The following MYO5A variants were observed in gnomAD, a reference collection of about 807,000 sequenced individuals.
The protein encoded by MYO5A is myosin VA.
MYO5A carries 98 observed loss-of-function variants against 249.7 expected under a neutral mutation model. The observed-to-expected ratio is 0.39, with a 90% CI of 0.33 to 0.46. The LOEUF is 0.46. Among genes scored for constraint, MYO5A ranks in the 20% least tolerant of loss-of-function variants. MYO5A has a pLI of 0.98. For missense variants in MYO5A, 1,696 were observed against 2,308.8 expected, an observed-to-expected ratio of 0.73 and a Z score of 5.44; for synonymous variants, 778 against 810.6, an observed-to-expected ratio of 0.96 and a Z score of 0.68.
intron 12 of MYO5A, among the ~76,000 whole-genome samples, chr15:52,390,708 C>T (rs1264534113): frequency 6.6e-6 from 1 of 151,964 alleles, no homozygotes; most frequent in Non-Finnish European, 1.5e-5. Flanking sequence ...TACAGGTGCA[C>T]ACCACCATGC....
intron 1 of MYO5A, among the ~76,000 whole-genome samples, chr15:52,520,904 G>A (rs1219837061): frequency 6.6e-6 from 1 of 152,132 alleles, no homozygotes; most frequent in Non-Finnish European, 1.5e-5. Flanking sequence ...GAGATTTGAT[G>A]TTACAAACTT....
intron 4 of MYO5A, among the ~76,000 whole-genome samples, chr15:52,420,954 T>C (rs2043757895): frequency 1.3e-5 from 2 of 152,166 alleles, no homozygotes; most frequent in South Asian, 4.1e-4. Context: ...ACAAGCTACT[T>C]TCCTCACCTG....
At chr15:52,478,184 G>A (rs1160181252) in intron 1 of MYO5A, among the ~76,000 whole-genome samples, 2 of 152,190 alleles carry the variant, frequency 1.3e-5, no homozygotes, top group African/African-American at 2.4e-5. Flanking sequence ...AGTGAGCAAG[G>A]CTCTATGGGT....
At chr15:52,352,245 A>C (rs2039989891) in intron 27 of MYO5A, among the ~76,000 whole-genome samples, 2 of 152,212 alleles carry the variant, frequency 1.3e-5, no homozygotes, top group Admixed American at 1.3e-4. Context: ...CTGTTCAAAC[A>C]ATGGCAACAG....
At position 52,343,129 on chromosome 15, in the gene MYO5A, T is replaced by C. The variant is rs747707431; in HGVS notation, c.4028A>G (p.Lys1343Arg). The change falls in exon 31 of 42, where the codon AAA (lysine) becomes AGA (arginine). Residue 1343 changes from lysine to arginine, a missense_variant. Physicochemically the swap from Lys to Arg is conservative, Grantham distance 26 (BLOSUM62 2). Around this residue, in one of 5 missense-constraint regions of MYO5A, gnomAD observed 625 missense variants for 908.1 expected, o/e 0.69. Transcript: ENST00000399233. ...GELWLVYEGLKQANRLLESQL... is the reference protein window; with the variant it reads ...GELWLVYEGLRQANRLLESQL... ...AGACAAATATAACCTGTTGGCTTGT[T>C]TTAACCCTTCATAAACCAGCCACAG... 9 of 1,612,674 alleles carry C rather than the reference T, an allele frequency of 5.6e-6. No individual in the cohort carries two copies. The highest frequency in any genetic ancestry group is 1.6e-4 in the Middle Eastern group (1 of 6,084).
intron 1 of MYO5A, among the ~76,000 whole-genome samples, chr15:52,503,625 T>C (rs2077201934): frequency 6.6e-6 from 1 of 151,994 alleles, no homozygotes; most frequent in Admixed American, 6.6e-5. Flanking sequence ...AGCAAGACCA[T>C]GTCTAGGAAA....
At chr15:52,394,339 C>T (rs1380091884) in intron 11 of MYO5A, among the ~76,000 whole-genome samples, 1 of 152,096 alleles carries the variant, frequency 6.6e-6, no homozygotes, top group African/African-American at 2.4e-5. Context: ...AACTGGGAAA[C>T]AAGAAAATAA....
chr15:52,442,874 G>C (rs750852214), intron 1 of MYO5A, among the ~76,000 whole-genome samples: 5 of 151,248 alleles, frequency 3.3e-5, no homozygotes, highest in African/African-American at 4.9e-5. Context: ...TCTTCCCTCA[G>C]CCTCCCAAGT....
At chr15:52,430,951 G>T (rs889333509) in intron 2 of MYO5A, among the ~76,000 whole-genome samples, 1 of 151,892 alleles carries the variant, frequency 6.6e-6, no homozygotes, top group African/African-American at 2.4e-5. Flanking sequence ...AAAAGTCAAG[G>T]CTGGGTGCAG....
intron 36 of MYO5A, among the ~76,000 whole-genome samples, chr15:52,327,098 T>TG (rs895188555): frequency 1.3e-5 from 2 of 152,144 alleles, no homozygotes; most frequent in African/African-American, 4.8e-5. Context: ...TGGGGTGAGG[T>TG]GGAGAAAAAG....
intron 1 of MYO5A, among the ~76,000 whole-genome samples, chr15:52,471,592 AACACACACACACAC>A (rs111751236): frequency 3.0e-4 from 43 of 144,970 alleles, no homozygotes; most frequent in African/African-American, 1.1e-3. Context: ...CTGTCTCTAA[AACACACACACACAC>A]ACACACACAC....
intron 1 of MYO5A, among the ~76,000 whole-genome samples, chr15:52,498,554 AT>A (rs2141571162): frequency 6.6e-6 from 1 of 152,250 alleles, no homozygotes; most frequent in African/African-American, 2.4e-5. Flanking sequence ...CATTTCTTAC[AT>A]TACTGAGTTG....
chr15:52,460,512 G>T (rs1429345843), intron 1 of MYO5A, among the ~76,000 whole-genome samples: 1 of 152,202 alleles, frequency 6.6e-6, no homozygotes, highest in Non-Finnish European at 1.5e-5. Context: ...CAGGTGTGGC[G>T]GCGCGCGCCT....
intron 1 of MYO5A, among the ~76,000 whole-genome samples, chr15:52,454,698 T>C (rs985707244): frequency 1.3e-5 from 2 of 151,996 alleles, no homozygotes; most frequent in African/African-American, 4.8e-5. Context: ...TACATGGAAA[T>C]TAAACAACAT....
At chr15:52,473,726 G>T (rs2076529123) in intron 1 of MYO5A, among the ~76,000 whole-genome samples, 1 of 152,048 alleles carries the variant, frequency 6.6e-6, no homozygotes, top group Non-Finnish European at 1.5e-5. Flanking sequence ...ATTTCTGAGG[G>T]CTCTATTCTG....
At chr15:52,494,025 G>A (rs550853289) in intron 1 of MYO5A, among the ~76,000 whole-genome samples, 1 of 152,118 alleles carries the variant, frequency 6.6e-6, no homozygotes, top group East Asian at 1.9e-4. Flanking sequence ...CTGGCCCCTC[G>A]CTCCAACACC....
intron 5 of MYO5A, among the ~76,000 whole-genome samples, chr15:52,412,233 C>T (rs2043280922): frequency 6.6e-6 from 1 of 152,184 alleles, no homozygotes; most frequent in South Asian, 2.1e-4. Flanking sequence ...GCCACAGCTT[C>T]TCCTCCTTCC....
intron 34 of MYO5A, among the ~76,000 whole-genome samples, chr15:52,336,119 TA>T (rs1285453920): frequency 4.6e-5 from 7 of 152,200 alleles, no homozygotes; most frequent in Admixed American, 4.6e-4. Context: ...ATATGATTAA[TA>T]AGTAGAAGAG....
At chr15:52,416,082 AT>A in intron 5 of MYO5A, 62 bp downstream of exon 5, 1 of 1,590,826 alleles carries the variant, frequency 6.3e-7, no homozygotes, top group Non-Finnish European at 8.6e-7. Flanking sequence ...GTATCAATCA[AT>A]TTTTTGAGCA....
Sources: allele counts gnomAD v4.1 joint callset (sites outside exome capture counted in the v4.1 genomes callset), GRCh38; gene constraint gnomAD v4.1.1; regional missense constraint gnomAD v4.1.1; transcripts MANE v1.5; gene names NCBI Gene and HGNC (gene_info 2026-07-23, HGNC 2026-07-21).